Variants in LRRC17 observed in about 807,000 individuals in gnomAD.
LRRC17 encodes leucine rich repeat containing 17.
LRRC17 carries 33 observed loss-of-function variants against 41.5 expected under a neutral mutation model. That is an observed-to-expected ratio of 0.80 (90% CI 0.60 to 1.06). The LOEUF (loss-of-function observed/expected upper bound fraction) is 1.06, where lower values mean the gene tolerates loss of function less well. Among genes scored for constraint, LRRC17 ranks in the 50% least tolerant of loss-of-function variants. The pLI is 0.00. For synonymous variants in LRRC17, 192 were observed against 197.0 expected (o/e 0.97, Z 0.21); for missense variants, 491 against 519.3 (o/e 0.95, Z 0.53).
chr7:102,930,262 T>G (rs1185495423), intron 1 of LRRC17, among the ~76,000 whole-genome samples: 1 of 152,176 alleles, frequency 6.6e-6, no homozygotes, highest in African/African-American at 2.4e-5. Context: ...ATGGTGGAGC[T>G]GGTGCCTCAT....
At chr7:102,926,598 A>C (rs912463238) in intron 1 of LRRC17, among the ~76,000 whole-genome samples, 9 of 152,204 alleles carry the variant, frequency 5.9e-5, no homozygotes, top group African/African-American at 2.2e-4. Context: ...TTGGAAATCA[A>C]GTCTCATTCC....
intron 1 of LRRC17, among the ~76,000 whole-genome samples, chr7:102,919,765 C>T (rs1380980646): frequency 8.5e-5 from 13 of 152,148 alleles, no homozygotes; most frequent in Admixed American, 6.5e-5. Context: ...AGATAATAGT[C>T]ATTTTCAGAG....
chr7:102,933,958 G>C lies in LRRC17; in HGVS notation c.45G>C (p.Ala15=), dbSNP rs568793708. The C allele has an allele frequency of 6.2e-7, 1 of 1,613,538 alleles. No homozygotes were observed. The highest frequency in any genetic ancestry group is 1.1e-5 in the South Asian group (1 of 90,970). The part of the protein sequence containing the change: ...TIVILLCFCK[A]AELRKASPGS... ...TAATCTTGCTCTGCTTTTGCAAAGC[G>C]GCTGAGCTGCGCAAAGCAAGCCCAG... The change falls in exon 2 of 4, where the codon GCG becomes GCC. Residue 15 remains alanine (A), a synonymous_variant. Coordinates refer to ENST00000339431, the MANE Select transcript of LRRC17 (RefSeq NM_001031692.3).
Position 102,929,663 on chromosome 7 carries a change from CAA to C in LRRC17, c.-140-4091_-140-4090del, listed in dbSNP as rs35025022. Among the ~76,000 whole-genome samples, 736 of 91,464 alleles carry C rather than the reference CAA, an allele frequency of 8.0e-3. 7 individuals are homozygous for C. The highest frequency in any genetic ancestry group is 0.033 in the African/African-American group (695 of 21,104). The allele number at this position is 91,464 out of a possible 152,430, so 60.0% of individuals were successfully genotyped here. On this transcript the variant is annotated intron_variant, in intron 1 of 3. Coordinates refer to ENST00000339431, the MANE Select transcript of LRRC17 (RefSeq NM_001031692.3). ...TGGGCAACAGAGTGAGACTCCATCT[CAA>C]AAAAAAAAAAAAAAAAAAATTAATT...
intron 1 of LRRC17, among the ~76,000 whole-genome samples, chr7:102,929,161 A>G (rs1584988244): frequency 6.6e-6 from 1 of 152,164 alleles, no homozygotes; most frequent in South Asian, 2.1e-4. Context: ...TTCTGTACAC[A>G]TTCTATTTGT....
In LRRC17 at chr7:102,934,357, G is replaced by A; in HGVS notation, c.444G>A (p.Val148=). 6.2e-7 allele frequency: 1 copy of A among 1,614,144 alleles called. No homozygotes were observed. Among genetic ancestry groups the A allele is most frequent in the Non-Finnish European group, 8.5e-7 (1 of 1,180,028 alleles). Residue 148 remains valine, a synonymous_variant, in exon 2 of 4, where the codon GTG becomes GTA. Coordinates refer to ENST00000339431, the MANE Select transcript of LRRC17 (RefSeq NM_001031692.3). ...AGATCAAAGTCTTGACGGAGGAAGT[G>A]TTCATTTACACACCTCTCTTGAGCT... ...HNQIKVLTEE[V]FIYTPLLSYL... is the part of the protein sequence containing the mutation.
chr7:102,941,040 A>C (rs1470202673), intron 3 of LRRC17, among the ~76,000 whole-genome samples: 1 of 152,230 alleles, frequency 6.6e-6, no homozygotes, highest in Non-Finnish European at 1.5e-5. Flanking sequence ...CTGGAGCCAC[A>C]AGGGCATATT....
At chr7:102,939,982 C>T (rs902767822) in intron 3 of LRRC17, among the ~76,000 whole-genome samples, 23 of 151,466 alleles carry the variant, frequency 1.5e-4, no homozygotes, top group Admixed American at 4.6e-4. Context: ...GCAACCTCTG[C>T]CTCTTGGGTT....
chr7:102,942,403 A>G (rs1821638627), intron 3 of LRRC17: 1 of 1,384,944 alleles, frequency 7.2e-7, no homozygotes, highest in Non-Finnish European at 9.8e-7. Flanking sequence ...ACAATCATAT[A>G]AAATGCCAGA....
chr7:102,939,365 T>G, intron 2 of LRRC17, 65 bp from the exon 3 acceptor site: 2 of 1,374,758 alleles, frequency 1.5e-6, no homozygotes, highest in African/African-American at 1.4e-5. Flanking sequence ...CACACAGATA[T>G]AACGGTGACC....
intron 1 of LRRC17, among the ~76,000 whole-genome samples, chr7:102,914,976 T>G (rs1584913666): frequency 6.6e-6 from 1 of 152,272 alleles, no homozygotes; most frequent in East Asian, 1.9e-4. Context: ...AGAAAGGAGT[T>G]GTGAGGCAGG....
chr7:102,943,542 A>G (rs1015781753), intron 3 of LRRC17, among the ~76,000 whole-genome samples: 3 of 152,204 alleles, frequency 2.0e-5, no homozygotes, highest in Non-Finnish European at 4.4e-5. Flanking sequence ...GTAACGAAAG[A>G]AACACTTTCA....
intron 1 of LRRC17, among the ~76,000 whole-genome samples, chr7:102,929,146 C>T (rs1818669637): frequency 6.6e-6 from 1 of 152,130 alleles, no homozygotes; most frequent in Admixed American, 6.5e-5. Flanking sequence ...AGGGTCTTAA[C>T]ATTCTTCTGT....
chr7:102,937,595 ATTCAT>A (rs1473384091), intron 2 of LRRC17, among the ~76,000 whole-genome samples: 1 of 151,358 alleles, frequency 6.6e-6, no homozygotes, highest in Non-Finnish European at 1.5e-5. Flanking sequence ...AAATCTAGTG[ATTCAT>A]TTCATCATTT....
chr7:102,923,624 C>T (rs1337960043), intron 1 of LRRC17, among the ~76,000 whole-genome samples: 1 of 150,778 alleles, frequency 6.6e-6, no homozygotes, highest in Non-Finnish European at 1.5e-5. Flanking sequence ...AGTTCAAGAC[C>T]AGCCTGACCA....
intron 1 of LRRC17, chr7:102,926,400 C>A: frequency 6.4e-7 from 1 of 1,571,224 alleles, no homozygotes; most frequent in Non-Finnish European, 8.7e-7. Flanking sequence ...AGGGAAGAGG[C>A]TTATCAAATT....
chr7:102,926,246 A>G (rs1311269007), intron 1 of LRRC17: 1 of 1,590,482 alleles, frequency 6.3e-7, no homozygotes, highest in Non-Finnish European at 8.6e-7. Context: ...AATTTTTTTC[A>G]GTGTCATACA....
intron 1 of LRRC17, among the ~76,000 whole-genome samples, chr7:102,921,055 G>A (rs1816891921): frequency 6.6e-6 from 1 of 152,148 alleles, no homozygotes; most frequent in Admixed American, 6.5e-5. Flanking sequence ...GGGAGGCTGA[G>A]GCAGGAGAAT....
intron 1 of LRRC17, among the ~76,000 whole-genome samples, chr7:102,924,191 T>C (rs112580936): frequency 0.035 from 5,344 of 151,148 alleles, 284 homozygotes; most frequent in African/African-American, 0.12. Flanking sequence ...TGAGCTGAGA[T>C]TGCGCCATTG....
Sources: gnomAD v4.1 joint callset for allele counts (sites outside exome capture counted in the v4.1 genomes callset) on GRCh38, gnomAD v4.1.1 for gene constraint, MANE v1.5 for transcripts, NCBI Gene and HGNC (gene_info 2026-07-23, HGNC 2026-07-21) for gene names.